Variants in FGD4 observed in about 807,000 individuals in gnomAD.
FGD4 encodes FYVE, RhoGEF and PH domain-containing protein 4.
In FGD4, 42 loss-of-function variants were observed where a neutral mutation model predicts 102.0. The observed-to-expected ratio is 0.41, with a 90% confidence interval of 0.32 to 0.53. The LOEUF (loss-of-function observed/expected upper bound fraction) is 0.53, where lower values mean the gene tolerates loss of function less well. Among genes scored for constraint, FGD4 ranks in the 20% least tolerant of loss-of-function variants. The pLI is 0.21. For synonymous variants in FGD4, 380 were observed against 375.7 expected, an observed-to-expected ratio of 1.01 and a Z score of -0.13; for missense variants, 902 against 1,078.2, an observed-to-expected ratio of 0.84 and a Z score of 2.29.
intron 1 of FGD4, among the ~76,000 whole-genome samples, chr12:32,405,998 T>C (rs7315762): frequency 0.54 from 82,384 of 151,690 alleles, 23,368 homozygotes; most frequent in African/African-American, 0.71. Context: ...GGCTGGAGTG[T>C]AATGGCGCGA....
At chr12:32,428,897 A>G (rs1591881956) in intron 1 of FGD4, among the ~76,000 whole-genome samples, 1 of 152,296 alleles carries the variant, frequency 6.6e-6, no homozygotes, top group East Asian at 1.9e-4. Flanking sequence ...GTTCTTCTCT[A>G]AACTAGTTAT....
chr12:32,552,434 A>ATTT lies in FGD4; in HGVS notation c.167-11680_167-11678dup, dbSNP rs66646521. Among the ~76,000 whole-genome samples, 1,164 of 120,780 alleles carry ATTT rather than the reference A, an allele frequency of 9.6e-3. 11 individuals are homozygous for ATTT. Among genetic ancestry groups the ATTT allele is most frequent in the East Asian group, 0.023 (82 of 3,620 alleles). 79.2% of individuals were successfully genotyped at this position (120,780 alleles called of 152,430 possible). A position where few individuals can be genotyped will look rare whatever the true frequency, so the allele number is the denominator to read the frequency against. On this transcript the variant is annotated intron_variant, in intron 1 of 16. Transcript: ENST00000534526. ...GCCGCCATGCCCGACTAATTTTTGC[A>ATTT]TTTTTTTTTTTTTTTTTTTTTTTTT...
At chr12:32,626,899 G>A (rs1320496810) in intron 14 of FGD4, among the ~76,000 whole-genome samples, 1 of 152,142 alleles carries the variant, frequency 6.6e-6, no homozygotes, top group Non-Finnish European at 1.5e-5. Context: ...CCAGGCTGGA[G>A]TGCAATGATG....
chr12:32,422,517 C>T (rs7296118), intron 1 of FGD4, among the ~76,000 whole-genome samples: 59,526 of 150,950 alleles, frequency 0.39, 12,286 homozygotes, highest in African/African-American at 0.5. Flanking sequence ...CCAGGATGGT[C>T]TCGATCTCCT....
At chr12:32,608,817 G>A (rs1948954913) in intron 8 of FGD4, among the ~76,000 whole-genome samples, 1 of 152,068 alleles carries the variant, frequency 6.6e-6, no homozygotes, top group Non-Finnish European at 1.5e-5. Context: ...GTAATTTCTT[G>A]TTTTCTGTCA....
chr12:32,406,327 G>A (rs1200723361), intron 1 of FGD4, among the ~76,000 whole-genome samples: 1 of 151,988 alleles, frequency 6.6e-6, no homozygotes, highest in Non-Finnish European at 1.5e-5. Flanking sequence ...GCAGAAGCAG[G>A]CGGATCACTT....
In FGD4 at chr12:32,608,104, T is replaced by TTC. The variant is rs1565900965; in HGVS notation, c.1543+10_1543+11insCT. On this transcript the variant is annotated intron_variant, in intron 8 of 16. Transcript: ENST00000534526. ...CTGGAATGATGCTAAAAGTAAATGC[T>TTC]TTTTTTTTGTTTTCTCCCTATTTTG... 1 of 1,595,450 alleles carries TTC rather than the reference T, an allele frequency of 6.3e-7. No individual in the cohort carries two copies. Among genetic ancestry groups the TTC allele is most frequent in the East Asian group, 2.3e-5 (1 of 43,996 alleles).
rs138220251 is a variant in FGD4, at chr12:32,499,664, T to A, written c.167-64473T>A. 6.1e-3 allele frequency among the ~76,000 whole-genome samples: 923 copies of A among 152,342 alleles called. 10 individuals are homozygous for A. Among genetic ancestry groups the A allele is most frequent in the African/African-American group, 0.022 (897 of 41,584 alleles). The stretch of plus-strand genomic sequence containing the variant: ...GAAAGAAAATAAGTCCAATATTTCT[T>A]CCTCACAGGTACTCTGAAAATTCTG... On this transcript the variant is annotated intron_variant, in intron 1 of 16. Transcript: ENST00000534526.
rs1337773083 is a variant in FGD4 at position 32,599,560 on chromosome 12, TTTTTG to T, written c.1101+975_1101+979del. Reference sequence around the variant, plus strand: ...TTTTTTTTTTTTTTTTTTTTTTTTTTTTTTGGAGATGGAGTCTGGCCCTGTCGCCC... The same window carrying T: ...TTTTTTTTTTTTTTTTTTTTTTTTTTGAGATGGAGTCTGGCCCTGTCGCCC... On this transcript the variant is annotated intron_variant, in intron 5 of 16. Coordinates refer to ENST00000534526, the MANE Select transcript of FGD4 (RefSeq NM_001370298.3). Among the ~76,000 whole-genome samples, 729 of 74,620 alleles carry T rather than the reference TTTTTG, an allele frequency of 9.8e-3. 18 individuals carry two copies. Among genetic ancestry groups the T allele is most frequent in the African/African-American group, 0.032 (395 of 12,466 alleles). The allele number at this position is 74,620 out of a possible 152,430, so 49.0% of individuals were successfully genotyped here. A position where few individuals can be genotyped will look rare whatever the true frequency, so the allele number is the denominator to read the frequency against.
chr12:32,522,872 A>G (rs927920384), intron 1 of FGD4, among the ~76,000 whole-genome samples: 3 of 152,374 alleles, frequency 2.0e-5, no homozygotes, highest in Middle Eastern at 3.4e-3. Flanking sequence ...ACACTTCTGT[A>G]AACCACAGTG....
chr12:32,628,772 C>T (rs1293869759), intron 14 of FGD4, among the ~76,000 whole-genome samples: 1 of 151,912 alleles, frequency 6.6e-6, no homozygotes, highest in Non-Finnish European at 1.5e-5. Flanking sequence ...GGCGACAGAG[C>T]AAGACCGTCT....
chr12:32,576,523 T>C, intron 3 of FGD4, 74 bp downstream of exon 3: 1 of 1,497,384 alleles, frequency 6.7e-7, no homozygotes, highest in South Asian at 1.1e-5. Flanking sequence ...TAGTCATAGA[T>C]ACATTCTAAA....
chr12:32,552,858 A>G (rs1437442621), intron 1 of FGD4, among the ~76,000 whole-genome samples: 1 of 148,626 alleles, frequency 6.7e-6, no homozygotes, highest in Non-Finnish European at 1.5e-5. Flanking sequence ...GCTCACCGCA[A>G]CCTCCACCTC....
In FGD4 at chr12:32,506,012, C is replaced by A. The variant is rs895187649; in HGVS notation, c.167-58125C>A. Reference sequence around the variant, plus strand: ...AACAGGATTGTCTGCTTTTTAATGCCCTCATTTTAAAGAAGAACCTGAGGC... The same window carrying A: ...AACAGGATTGTCTGCTTTTTAATGCACTCATTTTAAAGAAGAACCTGAGGC... On this transcript the variant is annotated intron_variant, in intron 1 of 16. Coordinates refer to ENST00000534526, the MANE Select transcript of FGD4 (RefSeq NM_001370298.3). This position sits in a 1 kb window ranked among gnomAD's most constrained non-coding sequence, Gnocchi z 4.5. Among the ~76,000 whole-genome samples the A allele has an allele frequency of 3.3e-5, 5 of 151,998 alleles. No individual in the cohort carries two copies. The highest frequency in any genetic ancestry group is 5.9e-5 in the Non-Finnish European group (4 of 68,002).
intron 1 of FGD4, among the ~76,000 whole-genome samples, chr12:32,462,300 G>A (rs1943125667): frequency 6.6e-6 from 1 of 152,042 alleles, no homozygotes; most frequent in Non-Finnish European, 1.5e-5. Context: ...GGGATTTCTG[G>A]TGCATGCTAC....
chr12:32,536,130 C>T (rs554248004), intron 1 of FGD4, among the ~76,000 whole-genome samples: 43 of 151,518 alleles, frequency 2.8e-4, no homozygotes, highest in African/African-American at 9.4e-4. Context: ...CTAAAGCTTA[C>T]GCTTTCAGGC....
intron 1 of FGD4, among the ~76,000 whole-genome samples, chr12:32,440,194 C>G (rs144502725): frequency 5.3e-5 from 8 of 152,252 alleles, no homozygotes; most frequent in Non-Finnish European, 1.2e-4. Context: ...CCCTGGATGC[C>G]GCTGATGCTC....
chr12:32,620,527 T>C lies in FGD4; in HGVS notation c.1922+657T>C, dbSNP rs1441297562. Among the ~76,000 whole-genome samples the C allele has an allele frequency of 1.3e-3, 176 of 135,456 alleles. 4 individuals carry two copies. Among genetic ancestry groups the C allele is most frequent in the Middle Eastern group, 7.5e-3 (2 of 268 alleles). The allele number at this position is 135,456 out of a possible 152,430, so 88.9% of individuals were successfully genotyped here. A position where few individuals can be genotyped will look rare whatever the true frequency, so the allele number is the denominator to read the frequency against. On this transcript the variant is annotated intron_variant, in intron 11 of 16. Transcript: ENST00000534526. ...TAACCATTTTTTTTCTTTCTTTTTT[T>C]TTTTTTTTTTTTTTTTGAGATGGAG...
At chr12:32,597,187 C>T (rs1338178952) in intron 4 of FGD4, among the ~76,000 whole-genome samples, 1 of 152,114 alleles carries the variant, frequency 6.6e-6, no homozygotes, top group Non-Finnish European at 1.5e-5. Context: ...TTAGAAAGAT[C>T]CCTCATACAG....
Sources: allele counts gnomAD v4.1 joint callset (sites outside exome capture counted in the v4.1 genomes callset), GRCh38; gene constraint gnomAD v4.1.1; non-coding constraint Gnocchi (gnomAD v3.1); transcripts MANE v1.5; gene names NCBI Gene and HGNC (gene_info 2026-07-23, HGNC 2026-07-21).